The following NEK11 variants were observed in gnomAD, a reference collection of about 807,000 sequenced individuals.
The protein encoded by NEK11 is serine/threonine-protein kinase Nek11.
NEK11 carries 72 observed loss-of-function variants against 80.7 expected under a neutral mutation model. That is an observed-to-expected ratio of 0.89 (90% CI 0.74 to 1.08). NEK11 has a LOEUF of 1.08. NEK11 is among the 50% of genes least tolerant of loss of function. The pLI is 0.00. For synonymous variants in NEK11, 251 were observed against 260.7 expected (o/e 0.96, Z 0.36); for missense variants, 764 against 763.6 (o/e 1.00, Z -0.01).
chr3:131,177,878 G>C (rs1169023746), intron 14 of NEK11, among the ~76,000 whole-genome samples: 1 of 152,186 alleles, frequency 6.6e-6, no homozygotes, highest in East Asian at 1.9e-4. Flanking sequence ...AATATGTTCT[G>C]AGAAATGTGT....
intron 9 of NEK11, among the ~76,000 whole-genome samples, chr3:131,154,168 C>G (rs1037197906): frequency 6.6e-6 from 1 of 152,072 alleles, no homozygotes; most frequent in Non-Finnish European, 1.5e-5. Flanking sequence ...TCCAGCTCTC[C>G]TTCTGTGCAG....
chr3:131,219,145 A>T (rs1362919274), intron 14 of NEK11, among the ~76,000 whole-genome samples: 1 of 152,214 alleles, frequency 6.6e-6, no homozygotes, highest in Non-Finnish European at 1.5e-5. Context: ...AAACAACCCA[A>T]ATGCCCAAAA....
At chr3:131,264,491 T>G (rs1432076760) in intron 16 of NEK11, among the ~76,000 whole-genome samples, 2 of 152,200 alleles carry the variant, frequency 1.3e-5, no homozygotes, top group South Asian at 2.1e-4. Context: ...ATTTCTTGTT[T>G]TTGTCAGGTT....
chr3:131,335,907 A>T (rs1234768718), intron 17 of NEK11, among the ~76,000 whole-genome samples: 1 of 152,062 alleles, frequency 6.6e-6, no homozygotes, highest in Non-Finnish European at 1.5e-5. Context: ...AATCCAACTT[A>T]CAAGGGATGT....
At position 131,149,550 on chromosome 3, in the gene NEK11, A is replaced by G. The variant is rs140420720; in HGVS notation, c.648-2838A>G. Among the ~76,000 whole-genome samples, 32 of 152,108 alleles carry G rather than the reference A, an allele frequency of 2.1e-4. 1 individual carries two copies. Among genetic ancestry groups the G allele is most frequent in the African/African-American group, 7.5e-4 (31 of 41,544 alleles). ...TGAGTTTTATTATCTTAAATAAGAA[A>G]TTATCTCTGTTTAATAGATAAAAAC... On this transcript the variant is annotated intron_variant, in intron 7 of 17. Transcript: ENST00000383366.
chr3:131,262,999 G>A lies in NEK11; in HGVS notation c.1622-10479G>A, dbSNP rs796975016. On this transcript the variant is annotated intron_variant, in intron 16 of 17. Coordinates refer to ENST00000383366, the MANE Select transcript of NEK11 (RefSeq NM_024800.5). ...CCCTGCAGAGGAAATGAACTCATCCGTTTTTATGGCTCCATAGTATTCCAT... is the reference window on the plus strand; with the variant it reads ...CCCTGCAGAGGAAATGAACTCATCCATTTTTATGGCTCCATAGTATTCCAT... 4.6e-5 allele frequency among the ~76,000 whole-genome samples: 7 copies of A among 152,014 alleles called. No individual in the cohort carries two copies. In the South Asian group the frequency reaches 6.2e-4, roughly 14 times the overall value.
intron 11 of NEK11, among the ~76,000 whole-genome samples, chr3:131,163,798 G>T: frequency 6.6e-6 from 1 of 151,994 alleles, no homozygotes; most frequent in East Asian, 1.9e-4. Context: ...AACATTTTTT[G>T]TCAATTAAAT....
At chr3:131,148,164 T>C (rs1428363375) in intron 7 of NEK11, among the ~76,000 whole-genome samples, 1 of 151,870 alleles carries the variant, frequency 6.6e-6, no homozygotes, top group Non-Finnish European at 1.5e-5. Context: ...TGAGATATAT[T>C]TTGATTGATT....
chr3:131,166,793 C>A (rs1349645601), intron 12 of NEK11, among the ~76,000 whole-genome samples: 1 of 152,086 alleles, frequency 6.6e-6, no homozygotes, highest in African/African-American at 2.4e-5. Flanking sequence ...AGGGCTGGAT[C>A]CCTAGTTGGA....
intron 14 of NEK11, among the ~76,000 whole-genome samples, chr3:131,182,351 G>A (rs1309572988): frequency 1.3e-5 from 2 of 152,186 alleles, no homozygotes; most frequent in African/African-American, 4.8e-5. Context: ...AGTGTGAGCA[G>A]TATAATGAAT....
rs1296327186 is a variant in NEK11, at chr3:131,134,826, C to T, written c.647+870C>T. Reference sequence around the variant, plus strand: ...TGTTATGGAACTAAGTGAAATCTCACTGCAGAAGCCATGTGGAAAATTGTA... The same window carrying T: ...TGTTATGGAACTAAGTGAAATCTCATTGCAGAAGCCATGTGGAAAATTGTA... On this transcript the variant is annotated intron_variant, in intron 7 of 17. Transcript: ENST00000383366. 2.6e-5 allele frequency among the ~76,000 whole-genome samples: 4 copies of T among 152,192 alleles called. No individual in the cohort carries two copies. In the East Asian group the frequency reaches 7.7e-4, roughly 29 times the overall value.
chr3:131,050,878 A>AAAAT (rs3072325), intron 3 of NEK11, among the ~76,000 whole-genome samples: 138,074 of 151,854 alleles, frequency 0.91, 63,303 homozygotes, highest in Non-Finnish European at 0.95. Flanking sequence ...ATAGTAATAA[A>AAAAT]TAGTGGGCAT....
intron 3 of NEK11, among the ~76,000 whole-genome samples, chr3:131,040,738 G>C (rs1201317560): frequency 1.3e-5 from 2 of 152,162 alleles, no homozygotes; most frequent in Admixed American, 1.3e-4. Context: ...TCAAAATGTA[G>C]TTGATAATAT....
At chr3:131,202,375 T>C (rs2094271164) in intron 14 of NEK11, among the ~76,000 whole-genome samples, 1 of 151,976 alleles carries the variant, frequency 6.6e-6, no homozygotes, top group Admixed American at 6.6e-5. Flanking sequence ...ACTGGGAAAA[T>C]CGGGACACTG....
rs905384422 is a variant in NEK11 at position 131,338,070 on chromosome 3, A to C, written c.1719-11487A>C. On this transcript the variant is annotated intron_variant, in intron 17 of 17. Coordinates refer to ENST00000383366, the MANE Select transcript of NEK11 (RefSeq NM_024800.5). ...CAGCCTCCACCTCCTGGGTTCAAGC[A>C]ATTCTCCTGCCTCAGCCTCCCGAGT... Among the ~76,000 whole-genome samples the C allele has an allele frequency of 3.9e-5, 6 of 152,056 alleles. No homozygotes were observed. In the South Asian group the frequency reaches 1.2e-3, roughly 32 times the overall value.
At chr3:131,261,451 T>C (rs2095917666) in intron 16 of NEK11, among the ~76,000 whole-genome samples, 1 of 152,220 alleles carries the variant, frequency 6.6e-6, no homozygotes, top group Admixed American at 6.5e-5. Context: ...TTTCCTTTGA[T>C]TGCTCTTTAT....
chr3:131,238,932 A>C (rs1338144886), intron 15 of NEK11, among the ~76,000 whole-genome samples: 2 of 152,148 alleles, frequency 1.3e-5, no homozygotes, highest in African/African-American at 4.8e-5. Context: ...ATAATGCATC[A>C]TTAATAATTA....
intron 17 of NEK11, among the ~76,000 whole-genome samples, chr3:131,315,703 C>A (rs1376153702): frequency 3.9e-5 from 6 of 151,912 alleles, no homozygotes; most frequent in Admixed American, 1.3e-4. Context: ...CTGATGCTAT[C>A]CCTCCCCCAC....
At chr3:131,287,059 T>C (rs114290242) in intron 17 of NEK11, among the ~76,000 whole-genome samples, 1 of 152,154 alleles carries the variant, frequency 6.6e-6, no homozygotes, top group African/African-American at 2.4e-5. Flanking sequence ...CCACTCCATA[T>C]GAAATAGCAG....
Sources: gnomAD v4.1 joint callset for allele counts (sites outside exome capture counted in the v4.1 genomes callset) on GRCh38, gnomAD v4.1.1 for gene constraint, MANE v1.5 for transcripts, NCBI Gene and HGNC (gene_info 2026-07-23, HGNC 2026-07-21) for gene names.